ABCA9: variants seen among roughly 807,000 people sequenced by gnomAD.
ABCA9 encodes the protein ATP binding cassette subfamily A member 9.
In ABCA9, 183 loss-of-function variants were observed where a neutral mutation model predicts 205.3. The ratio of observed to expected loss-of-function variants is 0.89; its 90% confidence interval spans 0.79 to 1.01. The LOEUF (loss-of-function observed/expected upper bound fraction) is 1.01. ABCA9 is among the 50% of genes least tolerant of loss of function. The pLI, the probability that ABCA9 is intolerant of heterozygous loss-of-function variation, is 0.00. For missense variants in ABCA9, 1,805 were observed against 1,912.4 expected (o/e 0.94, Z 1.05); for synonymous variants, 651 against 683.3 (o/e 0.95, Z 0.74).
rs774301090 is a variant in ABCA9, at chr17:69,023,936, A to T, written c.2281+278T>A. ...CATTACTGAAACAAATTTTCCAAAT[A>T]ATTCTTATTTTATCTTGCTGCTAGC... is the stretch of plus-strand genomic sequence containing the variant. On this transcript the variant is annotated intron_variant, in intron 17 of 38. Coordinates refer to ENST00000340001, the MANE Select transcript of ABCA9 (RefSeq NM_080283.4). The surrounding 1 kb of genome is among the most constrained non-coding windows in gnomAD (Gnocchi z 4.2). 1.3e-4 allele frequency among the ~76,000 whole-genome samples: 20 copies of T among 152,212 alleles called. No individual in the cohort carries two copies. Among genetic ancestry groups the T allele is most frequent in the Middle Eastern group, 3.4e-3 (1 of 292 alleles).
intron 25 of ABCA9, among the ~76,000 whole-genome samples, chr17:69,004,419 G>A (rs780517700): frequency 6.6e-6 from 1 of 152,196 alleles, no homozygotes; most frequent in South Asian, 2.1e-4. Flanking sequence ...GTGCCTCCCA[G>A]TTAGGCTGCT....
Position 69,034,105 on chromosome 17 carries a change from C to A in ABCA9, c.1129-232G>T, listed in dbSNP as rs973329595. ...TGAGTACTAAGAAACCCACAGGCAG[C>A]CCCAGGTACATTTTCTAGGAGGAAG... On this transcript the variant is annotated intron_variant, in intron 8 of 38. Transcript: ENST00000340001. Among the ~76,000 whole-genome samples the A allele has an allele frequency of 2.0e-5, 3 of 152,144 alleles. No homozygotes were observed. The South Asian group carries it at 6.2e-4, about 32-fold the overall frequency.
intron 23 of ABCA9, among the ~76,000 whole-genome samples, chr17:69,009,267 G>A (rs996039657): frequency 6.6e-6 from 1 of 152,136 alleles, no homozygotes; most frequent in South Asian, 2.1e-4. Context: ...AAAGAGAAAC[G>A]AATTGTAACT....
chr17:69,031,794 A>G (rs965827933), intron 10 of ABCA9, among the ~76,000 whole-genome samples: 1 of 152,242 alleles, frequency 6.6e-6, no homozygotes, highest in African/African-American at 2.4e-5. Flanking sequence ...AGTGTTTGTC[A>G]CAAAGAGAAC....
intron 22 of ABCA9, among the ~76,000 whole-genome samples, chr17:69,014,596 G>T (rs2070514469): frequency 6.6e-6 from 1 of 151,990 alleles, no homozygotes; most frequent in Non-Finnish European, 1.5e-5. Context: ...TTTTGTCCAA[G>T]AAATTTTTGA....
In ABCA9 at chr17:68,983,760, G is replaced by C. The variant is rs758415929; in HGVS notation, c.4589C>G (p.Pro1530Arg). The change falls in exon 36 of 39, where the codon CCC (proline) becomes CGC (arginine). Residue 1530 changes from proline to arginine, a missense_variant. Physicochemically the swap from Pro to Arg is moderately radical, Grantham distance 103 (BLOSUM62 -2). Transcript: ENST00000340001. ...MKLKNLAQME[P>R]LHAEILRLFP... Reference sequence around the variant, plus strand: ...AAGCCTCAGGATCTCTGCATGGAGGGGCTCCATTTGTGCCAGGTTCTTCAG... The same window carrying C: ...AAGCCTCAGGATCTCTGCATGGAGGCGCTCCATTTGTGCCAGGTTCTTCAG... 10 of 1,614,068 alleles carry C rather than the reference G, an allele frequency of 6.2e-6. No individual in the cohort carries two copies. In the African/African-American group the frequency reaches 1.1e-4, roughly 17 times the overall value.
intron 26 of ABCA9, 74 bp downstream of exon 26, chr17:68,995,821 A>AT: frequency 6.4e-7 from 1 of 1,569,882 alleles, no homozygotes; most frequent in Non-Finnish European, 8.7e-7. Context: ...CTCTATCTAT[A>AT]TTTTTGCAAT....
Position 69,045,290 on chromosome 17 carries a change from C to A in ABCA9, c.351G>T (p.Leu117Phe), listed in dbSNP as rs1184372219. The change falls in exon 4 of 39, where the codon TTG (leucine) becomes TTT (phenylalanine). Residue 117 changes from leucine (L) to phenylalanine (F), a missense_variant. Leu to Phe is a conservative substitution (Grantham distance 22, BLOSUM62 0). Transcript: ENST00000340001. ...GWPDEKSMDE[L>F]DLNYSIDAVR... ...CTGCGTCTATTGAATAGTTCAAATCCAATTCATCCATGCTTTTTTCATCAG... is the reference window on the plus strand; with the variant it reads ...CTGCGTCTATTGAATAGTTCAAATCAAATTCATCCATGCTTTTTTCATCAG... 1.2e-6 allele frequency: 2 copies of A among 1,611,094 alleles called. No individual in the cohort carries two copies. The highest frequency in any genetic ancestry group is 2.2e-5 in the East Asian group (1 of 44,728).
intron 6 of ABCA9, among the ~76,000 whole-genome samples, chr17:69,036,276 A>G (rs1385951152): frequency 6.6e-6 from 1 of 152,188 alleles, no homozygotes; most frequent in East Asian, 1.9e-4. Flanking sequence ...AGTCATAAAC[A>G]ATATGTTAGT....
chr17:68,989,216 G>T, intron 30 of ABCA9, 98 bp from the exon 31 acceptor site: 2 of 658,322 alleles, frequency 3.0e-6, no homozygotes, highest in Middle Eastern at 3.6e-4. Flanking sequence ...TATGTGAAAT[G>T]TGCTATATAT....
In ABCA9 at chr17:69,035,783, C is replaced by T. The variant is rs779111210; in HGVS notation, c.819G>A (p.Met273Ile). The T allele has an allele frequency of 3.7e-6, 6 of 1,612,328 alleles. No individual in the cohort carries two copies. The Admixed American group carries it at 5.0e-5, about 13-fold the overall frequency. The change falls in exon 7 of 39, where the codon ATG becomes ATA. Residue 273 changes from methionine (M) to isoleucine (I), a missense_variant. Transcript: ENST00000340001. ...ESAFWLSWGL[M>I]YAGFILIMAT... ...CCATGATAAGGATGAAGCCAGCATA[C>T]ATCAAACCCCAGGAAAGCCTAGCAG... is the stretch of plus-strand genomic sequence containing the variant.
In ABCA9 at chr17:69,028,558, C is replaced by A. The variant is rs1274773351; in HGVS notation, c.1592G>T (p.Ser531Ile). The A allele has an allele frequency of 1.9e-6, 3 of 1,608,292 alleles. No homozygotes were observed. The highest frequency in any genetic ancestry group is 2.5e-6 in the Non-Finnish European group (3 of 1,176,762). ...AGKTTLLNIL[S>I]GLSVPTSGSV... Reference sequence around the variant, plus strand: ...ACCTGATGTTGGAACTGACAACCCACTAAGTATGTTTAACAGGGTAGTTTT... The same window carrying A: ...ACCTGATGTTGGAACTGACAACCCAATAAGTATGTTTAACAGGGTAGTTTT... Residue 531 changes from serine (S) to isoleucine (I), a missense_variant, in exon 12 of 39, where the codon AGT becomes ATT. Ser to Ile is a moderately radical substitution (Grantham distance 142). Coordinates refer to ENST00000340001, the MANE Select transcript of ABCA9 (RefSeq NM_080283.4).
chr17:69,062,021 C>A (rs1253141066), upstream of ABCA9, among the ~76,000 whole-genome samples: 6 of 152,040 alleles, frequency 3.9e-5, no homozygotes, highest in African/African-American at 1.5e-4. Context: ...ATTTCCCATT[C>A]TCTCAATATT....
At chr17:69,061,249 A>C (rs1027302325), upstream of ABCA9, 10 of 713,208 alleles carry the variant, frequency 1.4e-5, no homozygotes, top group Non-Finnish European at 1.6e-5. Flanking sequence ...AGTTGACCCC[A>C]ACACAATGAT....
intron 20 of ABCA9, 122 bp from the exon 21 acceptor site, chr17:69,017,911 A>AG: frequency 1.8e-6 from 2 of 1,100,834 alleles, no homozygotes; most frequent in Non-Finnish European, 2.6e-6. Flanking sequence ...GCTTTTCTTA[A>AG]AAAAGCAGAA....
rs752217391 is a variant in ABCA9, at chr17:68,976,165, C to T, written c.4746G>A (p.Glu1582=). The T allele has an allele frequency of 6.2e-7, 1 of 1,614,086 alleles. No individual in the cohort carries two copies. The highest frequency in any genetic ancestry group is 1.7e-5 in the Admixed American group (1 of 60,020). ...EIVKQSFDLE[E]YSLSQSTLEQ... is the part of the protein sequence containing the mutation. ...CCAGGGTAGACTGTGAGAGGCTGTA[C>T]TCCTCCAGGTCGAAACTCTGTTTAA... is the stretch of plus-strand genomic sequence containing the variant. The change falls in exon 38 of 39, where the codon GAG becomes GAA. Residue 1582 remains glutamate (E), a synonymous_variant. Coordinates refer to ENST00000340001, the MANE Select transcript of ABCA9 (RefSeq NM_080283.4).
At chr17:68,997,471 G>A (rs543073833) in intron 25 of ABCA9, among the ~76,000 whole-genome samples, 1 of 151,922 alleles carries the variant, frequency 6.6e-6, no homozygotes, top group Non-Finnish European at 1.5e-5. Context: ...TGAATTCAGT[G>A]GTCCTTATCA....
At chr17:69,030,023 C>A (rs1174749259) in intron 10 of ABCA9, among the ~76,000 whole-genome samples, 1 of 152,026 alleles carries the variant, frequency 6.6e-6, no homozygotes, top group Non-Finnish European at 1.5e-5. Context: ...CCACATGTAC[C>A]CCTGAACTTA....
chr17:69,026,870 T>C, intron 15 of ABCA9, 106 bp downstream of exon 15: 2 of 1,385,490 alleles, frequency 1.4e-6, no homozygotes, highest in South Asian at 1.4e-5. Flanking sequence ...TTCTCCTGTC[T>C]TGGGCCATGG....
Sources: gnomAD v4.1 joint callset for allele counts (sites outside exome capture counted in the v4.1 genomes callset) on GRCh38, gnomAD v4.1.1 for gene constraint, Gnocchi (gnomAD v3.1) non-coding constraint, MANE v1.5 for transcripts, NCBI Gene and HGNC (gene_info 2026-07-23, HGNC 2026-07-21) for gene names.